CHL1: variants seen among roughly 807,000 people sequenced by gnomAD.
CHL1 encodes neural cell adhesion molecule L1-like protein.
A neutral mutation model predicts 141.9 loss-of-function variants in CHL1; 96 were observed. The ratio of observed to expected loss-of-function variants is 0.68; its 90% CI spans 0.57 to 0.80. The LOEUF (loss-of-function observed/expected upper bound fraction) is 0.80, where lower values mean the gene tolerates loss of function less well. CHL1 is among the 30% of genes least tolerant of loss of function. The pLI is 0.00. For missense variants in CHL1, 1,820 were observed against 1,457.2 expected, an observed-to-expected ratio of 1.25 and a Z score of -4.05; for synonymous variants, 613 against 502.2, an observed-to-expected ratio of 1.22 and a Z score of -2.95.
At chr3:290,895 C>A (rs578007794) in intron 2 of CHL1, among the ~76,000 whole-genome samples, 13 of 148,564 alleles carry the variant, frequency 8.8e-5, no homozygotes, top group Non-Finnish European at 1.3e-4. Context: ...GAGAATGTAC[C>A]ACTGCACTCC....
intron 27 of CHL1, among the ~76,000 whole-genome samples, chr3:401,996 T>C (rs557208759): frequency 2.6e-5 from 4 of 152,338 alleles, no homozygotes; most frequent in East Asian, 1.9e-4. Flanking sequence ...ATCTATAGCA[T>C]GGCCATTATG....
rs62227239 is a variant in CHL1 at position 328,368 on chromosome 3, C to A, written c.385+14C>A. 6.3e-7 allele frequency: 1 copy of A among 1,585,678 alleles called. No homozygotes were observed. The highest frequency in any genetic ancestry group is 1.4e-5 in the African/African-American group (1 of 73,594). On this transcript the variant is annotated intron_variant, in intron 5 of 27. Coordinates refer to ENST00000256509, the MANE Select transcript of CHL1 (RefSeq NM_006614.4). ...TTATAGTTCCAAGTAAGTACTATAA[C>A]GGGAATTTCATTTTACAAGTGTTTT...
At chr3:279,361 G>A (rs927665864) in intron 2 of CHL1, among the ~76,000 whole-genome samples, 1 of 151,858 alleles carries the variant, frequency 6.6e-6, no homozygotes, top group Non-Finnish European at 1.5e-5. Flanking sequence ...TTTAATCGAG[G>A]GGGGAGCTGT....
At chr3:282,373 G>A (rs62227204) in intron 2 of CHL1, among the ~76,000 whole-genome samples, 37,705 of 151,900 alleles carry the variant, frequency 0.25, 4,905 homozygotes, top group Middle Eastern at 0.4. Flanking sequence ...TCTTTTAATC[G>A]GATAGAAGAA....
intron 15 of CHL1, 74 bp downstream of exon 15, chr3:366,189 G>T: frequency 2.1e-6 from 3 of 1,435,414 alleles, no homozygotes; most frequent in Non-Finnish European, 2.9e-6. Context: ...AAAAGTTCTA[G>T]GTCGGGCATG....
intron 5 of CHL1, among the ~76,000 whole-genome samples, chr3:336,124 C>G (rs1299868389): frequency 2.0e-5 from 3 of 152,258 alleles, no homozygotes; most frequent in African/African-American, 7.2e-5. Flanking sequence ...GCCCAAGCAG[C>G]TGACTTCAGT....
intron 3 of CHL1, among the ~76,000 whole-genome samples, chr3:320,847 C>A (rs192841961): frequency 1.3e-5 from 2 of 151,782 alleles, no homozygotes; most frequent in African/African-American, 2.4e-5. Context: ...CATTTTTATC[C>A]GTATCATTCA....
At chr3:266,630 G>T (rs766569795) in intron 2 of CHL1, among the ~76,000 whole-genome samples, 2 of 152,094 alleles carry the variant, frequency 1.3e-5, no homozygotes, top group Non-Finnish European at 2.9e-5. Flanking sequence ...GTGATTGTGT[G>T]GTTTTCCTGC....
At chr3:304,251 C>T (rs1373431093) in intron 2 of CHL1, among the ~76,000 whole-genome samples, 1 of 152,062 alleles carries the variant, frequency 6.6e-6, no homozygotes, top group Non-Finnish European at 1.5e-5. Context: ...TGATGCTGGC[C>T]TCATAAAATG....
Position 409,239 on chromosome 3 carries a change from C to A in CHL1, c.*3528C>A, listed in dbSNP as rs1175012471. On this transcript the variant is annotated 3_prime_UTR_variant, in exon 28 of 28. Transcript: ENST00000256509. ...AGATGAAAGGTATGTAGAACAGGTT[C>A]ACGTGATTACCTTTTTCTTTTGGCT... 6.6e-6 allele frequency: 1 copy of A among 152,026 alleles called. No homozygotes were observed. Among genetic ancestry groups the A allele is most frequent in the Non-Finnish European group, 1.5e-5 (1 of 67,968 alleles). 9.4% of individuals were successfully genotyped at this position (152,026 alleles called of 1,614,324 possible). A position where few individuals can be genotyped will look rare whatever the true frequency, so the allele number is the denominator to read the frequency against.
intron 24 of CHL1, among the ~76,000 whole-genome samples, chr3:396,633 G>A (rs1575289026): frequency 6.6e-6 from 1 of 152,092 alleles, no homozygotes; most frequent in African/African-American, 2.4e-5. Flanking sequence ...TGTGCTGCAT[G>A]TCTTAAAGAA....
At chr3:350,719 A>G (rs1703172689) in intron 10 of CHL1, among the ~76,000 whole-genome samples, 1 of 152,156 alleles carries the variant, frequency 6.6e-6, no homozygotes, top group Non-Finnish European at 1.5e-5. Flanking sequence ...CTTCTCCATA[A>G]TGCATATTAT....
rs1708173845 is a variant in CHL1, at chr3:390,939, T to G, written c.2587-16T>G. The G allele has an allele frequency of 1.2e-6, 2 of 1,608,924 alleles. No homozygotes were observed. The highest frequency in any genetic ancestry group is 1.7e-6 in the Non-Finnish European group (2 of 1,175,676). The stretch of plus-strand genomic sequence containing the variant: ...ACCACAATGGATATACTAAAAGATT[T>G]TGGTTTTCATTGCAGATAAATTGGT... On this transcript the variant is annotated splice_polypyrimidine_tract_variant and intron_variant, in intron 21 of 27. Transcript: ENST00000256509.
intron 1 of CHL1, among the ~76,000 whole-genome samples, chr3:218,857 A>G (rs1036557471): frequency 6.6e-6 from 1 of 152,214 alleles, no homozygotes; most frequent in Non-Finnish European, 1.5e-5. Flanking sequence ...TTGAAAAGTC[A>G]AAAAGTAGGC....
At chr3:342,253 T>A in intron 7 of CHL1, among the ~76,000 whole-genome samples, 171 bp downstream of exon 7, 1 of 152,346 alleles carries the variant, frequency 6.6e-6, no homozygotes, top group Middle Eastern at 3.4e-3. Context: ...AGATTCACGG[T>A]AGCTCTGTCT....
intron 2 of CHL1, 76 bp from the exon 3 acceptor site, chr3:319,607 A>G (rs1425343357): frequency 3.9e-6 from 2 of 511,844 alleles, no homozygotes; most frequent in East Asian, 3.4e-5. Context: ...AAAAAAAAAA[A>G]AAAGAAGGTA....
At chr3:223,797 G>T (rs1701079430) in intron 1 of CHL1, among the ~76,000 whole-genome samples, 1 of 152,122 alleles carries the variant, frequency 6.6e-6, no homozygotes, top group Non-Finnish European at 1.5e-5. Flanking sequence ...GTAGGCAGGG[G>T]GCTAGGGAAT....
chr3:378,881 G>A (rs118128399), intron 16 of CHL1, among the ~76,000 whole-genome samples: 1,759 of 152,168 alleles, frequency 0.012, 12 homozygotes, highest in Middle Eastern at 0.041. Flanking sequence ...TTTTAAAGAC[G>A]TTTTATTAAA....
chr3:221,097 C>T (rs1023156512), intron 1 of CHL1, among the ~76,000 whole-genome samples: 17 of 152,296 alleles, frequency 1.1e-4, no homozygotes, highest in Non-Finnish European at 1.3e-4. Context: ...CCCACACTCA[C>T]CCACTTTGAG....
Sources: allele counts gnomAD v4.1 joint callset (sites outside exome capture counted in the v4.1 genomes callset), GRCh38; gene constraint gnomAD v4.1.1; transcripts MANE v1.5; gene names NCBI Gene and HGNC (gene_info 2026-07-23, HGNC 2026-07-21).